The following CEP290 variants were observed in gnomAD, a reference collection of about 807,000 sequenced individuals.
The protein encoded by CEP290 is centrosomal protein 290.
In CEP290, 317 loss-of-function variants were observed where a neutral mutation model predicts 344.9. The observed-to-expected ratio is 0.92, with a 90% CI of 0.84 to 1.01. The LOEUF is 1.01. Among genes scored for constraint, CEP290 ranks in the 50% least tolerant of loss-of-function variants. The probability of loss-of-function intolerance (pLI) is 0.00; values close to 1 mark genes in which losing one functional copy is unlikely to be tolerated. For synonymous variants in CEP290, 932 were observed against 895.8 expected, an observed-to-expected ratio of 1.04 and a Z score of -0.72; for missense variants, 2,754 against 2,761.4, an observed-to-expected ratio of 1.00 and a Z score of 0.06.
At chr12:88,078,803 AT>A (rs1445565589) in intron 39 of CEP290, among the ~76,000 whole-genome samples, 2 of 152,128 alleles carry the variant, frequency 1.3e-5, no homozygotes, top group Non-Finnish European at 2.9e-5. Context: ...CTCTAAAAAA[AT>A]AATAAAGTCT....
chr12:88,078,783 C>G (rs1411067001), intron 39 of CEP290, among the ~76,000 whole-genome samples: 1 of 151,722 alleles, frequency 6.6e-6, no homozygotes, highest in Non-Finnish European at 1.5e-5. Flanking sequence ...TTGCTGTGAA[C>G]CTAAAATTGC....
At chr12:88,090,588 C>A in intron 30 of CEP290, 140 bp downstream of exon 30, 1 of 595,490 alleles carries the variant, frequency 1.7e-6, no homozygotes, top group Non-Finnish European at 2.9e-6. Context: ...CTTGAATGTA[C>A]CACTGCACTC....
At position 88,125,323 on chromosome 12, in the gene CEP290, A is replaced by T. The variant is rs1343199874; in HGVS notation, c.1112T>A (p.Val371Glu). 5 of 1,314,220 alleles carry T rather than the reference A, an allele frequency of 3.8e-6. No individual in the cohort carries two copies. The highest frequency in any genetic ancestry group is 2.1e-5 in the South Asian group (1 of 47,644). The allele number at this position is 1,314,220 out of a possible 1,614,324, so 81.4% of individuals were successfully genotyped here. The change falls in exon 13 of 54, where the codon GTA becomes GAA. Residue 371 changes from valine to glutamate, a missense_variant. Coordinates refer to ENST00000552810, the MANE Select transcript of CEP290 (RefSeq NM_025114.4). ...DSQIKMLTEQ[V>E]EQYTKEMEKN... ...TTCCATTTCTTTTGTATATTGTTCT[A>T]CTTGTTCGGTGAGCATCTTAATTTG...
chr12:88,103,857 C>G (rs2038079357), intron 25 of CEP290: 2 of 152,046 alleles, frequency 1.3e-5, no homozygotes, highest in African/African-American at 4.8e-5. Context: ...TAAGTACACA[C>G]TATTCTATCT....
chr12:88,128,836 C>A, intron 11 of CEP290, 110 bp downstream of exon 11: 2 of 586,074 alleles, frequency 3.4e-6, no homozygotes, highest in Non-Finnish European at 5.5e-6. Context: ...GTTTAAAAAC[C>A]CTAATAAACG....
rs920028502 is a variant in CEP290 at position 88,090,744 on chromosome 12, T to C, written c.3557A>G (p.Gln1186Arg). Reference sequence around the variant, plus strand: ...TGCACATACCTGATAGTCTAGCAGTTGCATTCTGAGGGACTCTACTTCCTT... The same window carrying C: ...TGCACATACCTGATAGTCTAGCAGTCGCATTCTGAGGGACTCTACTTCCTT... ...RDKEVESLRMQLLDYQAQSDE... is the reference protein window; with the variant it reads ...RDKEVESLRMRLLDYQAQSDE... Residue 1186 changes from glutamine to arginine, a missense_variant, in exon 30 of 54, where the codon CAA becomes CGA. Transcript: ENST00000552810. 4.5e-6 allele frequency: 7 copies of C among 1,556,562 alleles called. No individual in the cohort carries two copies. In the Admixed American group the frequency reaches 9.7e-5, roughly 22 times the overall value.
At chr12:88,094,913 A>T (rs1182307067) in intron 27 of CEP290, among the ~76,000 whole-genome samples, 3 of 152,068 alleles carry the variant, frequency 2.0e-5, no homozygotes, top group Admixed American at 6.5e-5. Context: ...AAAGTAATAT[A>T]CATTTCCTGA....
At position 88,136,702 on chromosome 12, in the gene CEP290, C is replaced by G. The variant is rs755112866; in HGVS notation, c.382G>C (p.Asp128His). 1.9e-6 allele frequency: 3 copies of G among 1,613,610 alleles called. No individual in the cohort carries two copies. The African/African-American group carries it at 4.0e-5, about 22-fold the overall frequency. Residue 128 changes from aspartate to histidine, a missense_variant, in exon 6 of 54, where the codon GAT (aspartate) becomes CAT (histidine). Coordinates refer to ENST00000552810, the MANE Select transcript of CEP290 (RefSeq NM_025114.4). The stretch of plus-strand genomic sequence containing the variant: ...TTTTCCATGTCCTCCAATTCTCTAT[C>G]TTTTTGTTCTAATTGTTTTTCAAGT... ...CQLEKQLEQK[D>H]RELEDMEKEL...
At position 88,120,099 on chromosome 12, in the gene CEP290, T is replaced by G; in HGVS notation, c.1522+15A>C. ...ATCAGGTTGCGCAAACTATGTAACT[T>G]AAAACATGGCTTACCCACACGCTCT... On this transcript the variant is annotated intron_variant, in intron 15 of 53. Coordinates refer to ENST00000552810, the MANE Select transcript of CEP290 (RefSeq NM_025114.4). The G allele has an allele frequency of 6.8e-7, 1 of 1,465,022 alleles. No homozygotes were observed. Among genetic ancestry groups the G allele is most frequent in the Non-Finnish European group, 9.0e-7 (1 of 1,105,278 alleles). 90.8% of individuals were successfully genotyped at this position (1,465,022 alleles called of 1,614,324 possible). A position where few individuals can be genotyped will look rare whatever the true frequency, so the allele number is the denominator to read the frequency against.
At chr12:88,077,188 T>G in intron 41 of CEP290, 34 bp downstream of exon 41, 1 of 1,584,710 alleles carries the variant, frequency 6.3e-7, no homozygotes, top group Non-Finnish European at 8.6e-7. Context: ...TGTCACTACC[T>G]TAAGCATATA....
Position 88,106,991 on chromosome 12 carries a change from CTTACA to C in CEP290, c.2586_2586+4del. 6.5e-7 allele frequency: 1 copy of C among 1,538,432 alleles called. No homozygotes were observed. The highest frequency in any genetic ancestry group is 8.8e-7 in the Non-Finnish European group (1 of 1,138,420). On this transcript the variant is annotated splice_donor_variant and splice_donor_region_variant and coding_sequence_variant and intron_variant, in exon 24 of 54. Transcript: ENST00000552810. LOFTEE classifies it high-confidence loss of function. ...GCATACTAATGTTAAAAATGTTTTA[CTTACA>C]TTATATTCTTTTACTTTTATAGCAT...
intron 4 of CEP290, 64 bp downstream of exon 4, chr12:88,139,431 C>A (rs904884224): frequency 1.2e-5 from 12 of 1,039,274 alleles, no homozygotes; most frequent in Non-Finnish European, 1.4e-5. Context: ...TAATTTTCTA[C>A]AGTTTAATGA....
Position 88,111,325 on chromosome 12 carries a change from A to G in CEP290, c.2244T>C (p.Ser748=), listed in dbSNP as rs979564116. Reference sequence around the variant, plus strand: ...TTGATCCTTCTGATTGTCGTAAAAGACTAGTTTCTTTTTCAAGATGGTCTA... The same window carrying G: ...TTGATCCTTCTGATTGTCGTAAAAGGCTAGTTTCTTTTTCAAGATGGTCTA... The part of the protein sequence containing the change: ...LKIDHLEKET[S]LLRQSEGSNV... The change falls in exon 22 of 54, where the codon AGT becomes AGC. Residue 748 remains serine, a synonymous_variant. Transcript: ENST00000552810. 7 of 1,562,302 alleles carry G rather than the reference A, an allele frequency of 4.5e-6. No homozygotes were observed. In the African/African-American group the frequency reaches 8.2e-5, roughly 18 times the overall value.
rs558945666 is a variant in CEP290 at position 88,088,968 on chromosome 12, T to C, written c.4029+64A>G. On this transcript the variant is annotated intron_variant, in intron 31 of 53. Coordinates refer to ENST00000552810, the MANE Select transcript of CEP290 (RefSeq NM_025114.4). ...TCCAGCTATGTTTGCACCACTGAAC[T>C]CCAGCCTGGGAAACAGATCAAGATA... 30 of 1,231,760 alleles carry C rather than the reference T, an allele frequency of 2.4e-5. No individual in the cohort carries two copies. The African/African-American group carries it at 3.9e-4, about 16-fold the overall frequency. The allele number at this position is 1,231,760 out of a possible 1,614,324, so 76.3% of individuals were successfully genotyped here.
chr12:88,093,453 G>A (rs2037197077), intron 28 of CEP290: 1 of 245,132 alleles, frequency 4.1e-6, no homozygotes. Context: ...CCAACACAGG[G>A]TCTGACATGT....
chr12:88,081,235 G>A (rs531331959), intron 37 of CEP290, among the ~76,000 whole-genome samples: 1 of 152,116 alleles, frequency 6.6e-6, no homozygotes, highest in Admixed American at 6.5e-5. Context: ...GAGGGACAAT[G>A]GTGAAAAACT....
chr12:88,108,039 CATAGT>C (rs1471389894), intron 23 of CEP290, among the ~76,000 whole-genome samples: 2 of 151,750 alleles, frequency 1.3e-5, no homozygotes, highest in African/African-American at 4.8e-5. Flanking sequence ...TGTTGTATAG[CATAGT>C]ATATACATAT....
chr12:88,079,201 C>T lies in CEP290; in HGVS notation c.5255G>A (p.Arg1752Gln), dbSNP rs116469117. The change falls in exon 39 of 54, where the codon CGG becomes CAG. Residue 1752 changes from arginine to glutamine, a missense_variant. Coordinates refer to ENST00000552810, the MANE Select transcript of CEP290 (RefSeq NM_025114.4). Reference sequence around the variant, plus strand: ...TTCAGCAGCTGCTGTCATTTCTGCCCGGAGTTCTAAAAGTGCCCGACTAAG... The same window carrying T: ...TTCAGCAGCTGCTGTCATTTCTGCCTGGAGTTCTAAAAGTGCCCGACTAAG... ...KALSRALLEL[R>Q]AEMTAAAEER... 3.6e-4 allele frequency: 565 copies of T among 1,590,584 alleles called. 2 individuals carry two copies. The African/African-American group carries it at 6.9e-3, about 20-fold the overall frequency.
At position 88,111,317 on chromosome 12, in the gene CEP290, C is replaced by A; in HGVS notation, c.2252G>T (p.Arg751Leu). ...DHLEKETSLL[R>L]QSEGSNVVFK... ...AACAACATTTGATCCTTCTGATTGTCGTAAAAGACTAGTTTCTTTTTCAAG... is the reference window on the plus strand; with the variant it reads ...AACAACATTTGATCCTTCTGATTGTAGTAAAAGACTAGTTTCTTTTTCAAG... The change falls in exon 22 of 54, where the codon CGA becomes CTA. Residue 751 changes from arginine to leucine, a missense_variant. By Grantham distance (102) the Arg-to-Leu change is moderately radical. Transcript: ENST00000552810. 6.4e-7 allele frequency: 1 copy of A among 1,562,008 alleles called. No homozygotes were observed. Among genetic ancestry groups the A allele is most frequent in the South Asian group, 1.2e-5 (1 of 83,042 alleles).
Sources: gnomAD v4.1 joint callset for allele counts (sites outside exome capture counted in the v4.1 genomes callset) on GRCh38, gnomAD v4.1.1 for gene constraint, MANE v1.5 for transcripts, NCBI Gene and HGNC (gene_info 2026-07-23, HGNC 2026-07-21) for gene names.